Variants in KLC1 observed in about 807,000 individuals in gnomAD.
KLC1 encodes kinesin light chain 1.
KLC1 carries 30 observed loss-of-function variants against 84.2 expected under a neutral mutation model. The ratio of observed to expected loss-of-function variants is 0.36; its 90% CI spans 0.27 to 0.48. The LOEUF is 0.48. Among genes scored for constraint, KLC1 ranks in the 20% least tolerant of loss-of-function variants. The pLI is 0.99. For missense variants in KLC1, 499 were observed against 805.4 expected, an observed-to-expected ratio of 0.62 and a Z score of 4.60; for synonymous variants, 289 against 293.3, an observed-to-expected ratio of 0.99 and a Z score of 0.15.
chr14:103,672,708 C>T (rs1273236532), intron 7 of KLC1, among the ~76,000 whole-genome samples: 6 of 152,110 alleles, frequency 3.9e-5, no homozygotes, highest in Non-Finnish European at 5.9e-5. Context: ...CAAAATGTGC[C>T]TAATGTGTAC....
At chr14:103,633,035 TGAG>T (rs1448123141) in intron 1 of KLC1, among the ~76,000 whole-genome samples, 9 of 151,890 alleles carry the variant, frequency 5.9e-5, no homozygotes, top group Non-Finnish European at 1.0e-4. Flanking sequence ...GCTTTCATTC[TGAG>T]GTTTACAAAG....
intron 1 of KLC1, among the ~76,000 whole-genome samples, chr14:103,645,217 C>T (rs567951251): frequency 6.6e-6 from 1 of 152,298 alleles, no homozygotes; most frequent in Admixed American, 6.5e-5. Flanking sequence ...AGGTGATCCG[C>T]CCGCCTCGGC....
intron 10 of KLC1, 29 bp downstream of exon 10, chr14:103,675,630 A>G (rs780799645): frequency 3.1e-6 from 5 of 1,606,366 alleles, no homozygotes; most frequent in Non-Finnish European, 4.3e-6. Flanking sequence ...GAGATTTTCT[A>G]AATTGTATAT....
In KLC1 at chr14:103,699,427, G is replaced by A. The variant is rs138142727; in HGVS notation, c.1849-1228G>A. On this transcript the variant is annotated intron_variant, in intron 15 of 16. Transcript: ENST00000334553. ...TCAGCTCACGCAGCGTGGCCCCCAG[G>A]GACTGCAGATGCCTGGCCCTGGGGG... is the stretch of plus-strand genomic sequence containing the variant. 1.0e-4 allele frequency: 162 copies of A among 1,612,840 alleles called. No individual in the cohort carries two copies. In the African/African-American group the frequency reaches 1.6e-3, roughly 16 times the overall value.
intron 7 of KLC1, among the ~76,000 whole-genome samples, chr14:103,671,550 T>C (rs548612787): frequency 3.9e-5 from 6 of 152,300 alleles, no homozygotes; most frequent in Non-Finnish European, 7.4e-5. Context: ...TTGTATTTTT[T>C]AGTAGAGATG....
At chr14:103,675,804 A>G (rs2151724867) in intron 11 of KLC1, 48 bp downstream of exon 11, 1 of 1,505,168 alleles carries the variant, frequency 6.6e-7, no homozygotes, top group Non-Finnish European at 9.2e-7. Context: ...AGCAGGGGGA[A>G]GGTAATTGTG....
rs147777828 is a variant in KLC1 at position 103,648,907 on chromosome 14, C to T, written c.-1-5657C>T. On this transcript the variant is annotated intron_variant, in intron 1 of 16. Coordinates refer to ENST00000334553, the MANE Select transcript of KLC1 (RefSeq NM_001394837.1). ...ATCCCAGTTCTTTGGGAGGCCGAGG[C>T]GGGCAGATCACCTGAGCTCAGGAGT... Among the ~76,000 whole-genome samples the T allele has an allele frequency of 4.8e-3, 732 of 152,144 alleles. 1 individual carries two copies. The highest frequency in any genetic ancestry group is 0.017 in the African/African-American group (689 of 41,518).
intron 13 of KLC1, chr14:103,683,560 A>C (rs2151799517): frequency 1.3e-5 from 2 of 152,278 alleles, no homozygotes; most frequent in East Asian, 3.9e-4. Context: ...CCCTGTTGGG[A>C]TGTGGGAGCC....
At chr14:103,653,343 G>A (rs1014691256) in intron 1 of KLC1, among the ~76,000 whole-genome samples, 2 of 151,826 alleles carry the variant, frequency 1.3e-5, no homozygotes, top group African/African-American at 4.8e-5. Flanking sequence ...ATTTATTTAG[G>A]CAGAGTCTCG....
intron 14 of KLC1, among the ~76,000 whole-genome samples, chr14:103,690,349 G>T (rs563072133): frequency 6.6e-6 from 1 of 152,358 alleles, no homozygotes; most frequent in South Asian, 2.1e-4. Flanking sequence ...TCATTGGGAT[G>T]TTTTTGTTTT....
At chr14:103,699,255 G>A (rs2082884533) in intron 15 of KLC1, 1 of 1,540,138 alleles carries the variant, frequency 6.5e-7, no homozygotes, top group Admixed American at 2.0e-5. Context: ...GCTACCCGCA[G>A]GAGCCGGAGG....
chr14:103,698,797 G>A, intron 15 of KLC1: 1 of 1,592,838 alleles, frequency 6.3e-7, no homozygotes, highest in Non-Finnish European at 8.5e-7. Context: ...CCGCCACCGT[G>A]TCAGTGGGAC....
rs201960507 is a variant in KLC1 at position 103,687,557 on chromosome 14, AT to A, written c.1781+352del. ...AACTTGTTTACTCTAGATATGCATT[AT>A]TTTTTAAATTAGCATTAGTTTAAAT... is the stretch of plus-strand genomic sequence containing the variant. On this transcript the variant is annotated intron_variant, in intron 14 of 16. Coordinates refer to ENST00000334553, the MANE Select transcript of KLC1 (RefSeq NM_001394837.1). The A allele has an allele frequency of 9.4e-3, 1,463 of 154,852 alleles. 7 individuals are homozygous for A. Among genetic ancestry groups the A allele is most frequent in the Middle Eastern group, 0.034 (10 of 298 alleles). 9.6% of individuals were successfully genotyped at this position (154,852 alleles called of 1,614,324 possible).
intron 3 of KLC1, among the ~76,000 whole-genome samples, chr14:103,660,254 G>T (rs2079162784): frequency 6.6e-6 from 1 of 152,164 alleles, no homozygotes. Flanking sequence ...GCCGAGGCAG[G>T]CAGATCACCT....
intron 15 of KLC1, 28 bp from the exon 16 acceptor site, chr14:103,700,627 G>C: frequency 1.3e-6 from 2 of 1,594,156 alleles, no homozygotes; most frequent in Non-Finnish European, 1.7e-6. Context: ...CACGCCCTGA[G>C]TGAAACTCGT....
At chr14:103,649,107 A>G (rs1377726132) in intron 1 of KLC1, among the ~76,000 whole-genome samples, 1 of 151,988 alleles carries the variant, frequency 6.6e-6, no homozygotes, top group Non-Finnish European at 1.5e-5. Flanking sequence ...ATTGCAGCCC[A>G]CCCTGGGTGA....
intron 1 of KLC1, among the ~76,000 whole-genome samples, chr14:103,644,954 T>C (rs1418208199): frequency 6.6e-6 from 1 of 151,712 alleles, no homozygotes; most frequent in Admixed American, 6.6e-5. Flanking sequence ...TTCTGTTCTT[T>C]TCCTTTTCTT....
intron 1 of KLC1, among the ~76,000 whole-genome samples, chr14:103,642,477 A>C (rs1238281015): frequency 6.6e-6 from 1 of 152,144 alleles, no homozygotes; most frequent in Non-Finnish European, 1.5e-5. Context: ...TGGTTAAGTC[A>C]GGGTTATGAG....
chr14:103,644,917 T>A (rs1213220071), intron 1 of KLC1, among the ~76,000 whole-genome samples: 1 of 150,742 alleles, frequency 6.6e-6, no homozygotes, highest in Non-Finnish European at 1.5e-5. Flanking sequence ...CAGATTTCTT[T>A]CTTTAGTTCT....
Sources: allele counts gnomAD v4.1 joint callset (sites outside exome capture counted in the v4.1 genomes callset), GRCh38; gene constraint gnomAD v4.1.1; transcripts MANE v1.5; gene names NCBI Gene and HGNC (gene_info 2026-07-23, HGNC 2026-07-21).